The following LAMA4 variants were observed in gnomAD, a reference collection of about 807,000 sequenced individuals.
LAMA4 encodes the protein laminin subunit alpha 4.
Under a neutral mutation model 207.1 loss-of-function variants are expected in LAMA4, and 127 were observed. The observed-to-expected ratio is 0.61, with a 90% confidence interval of 0.53 to 0.71. The LOEUF (loss-of-function observed/expected upper bound fraction) is 0.71. LAMA4 is among the 30% of genes least tolerant of loss of function. The pLI is 0.00. For missense variants in LAMA4, 2,093 were observed against 2,246.5 expected, an observed-to-expected ratio of 0.93 and a Z score of 1.38; for synonymous variants, 761 against 816.0, an observed-to-expected ratio of 0.93 and a Z score of 1.15.
intron 16 of LAMA4, among the ~76,000 whole-genome samples, chr6:112,154,017 T>C (rs1474768362): frequency 6.6e-6 from 1 of 152,176 alleles, no homozygotes; most frequent in African/African-American, 2.4e-5. Context: ...GTGAGGTTTT[T>C]AGTTTCAAAC....
chr6:112,207,863 T>C (rs1205882506), intron 3 of LAMA4, among the ~76,000 whole-genome samples: 1 of 152,182 alleles, frequency 6.6e-6, no homozygotes, highest in African/African-American at 2.4e-5. Context: ...AATTCTCCCT[T>C]TCAGGATCCT....
chr6:112,221,790 A>C (rs1440222432), intron 2 of LAMA4, among the ~76,000 whole-genome samples: 3 of 152,216 alleles, frequency 2.0e-5, no homozygotes, highest in Non-Finnish European at 4.4e-5. Context: ...GGGCAGACTT[A>C]AGAATCAGAT....
At chr6:112,246,941 A>G (rs1786992271) in intron 2 of LAMA4, among the ~76,000 whole-genome samples, 1 of 152,254 alleles carries the variant, frequency 6.6e-6, no homozygotes, top group African/African-American at 2.4e-5. Context: ...ATGATTATAA[A>G]AACTAAATGA....
Position 112,117,762 on chromosome 6 carries a change from G to A in LAMA4, c.4958C>T (p.Thr1653Ile), listed in dbSNP as rs782386897. 1.9e-6 allele frequency: 3 copies of A among 1,613,600 alleles called. No homozygotes were observed. The highest frequency in any genetic ancestry group is 2.2e-5 in the East Asian group (1 of 44,868). ...GPMETGTYFSTEGGYVVLDES... is the reference protein window; with the variant it reads ...GPMETGTYFSIEGGYVVLDES... ...ACCTAGAACCACGTATCCTCCTTCT[G>A]TTGAAAAGTAAGTTCCTGTTTCCAT... The change falls in exon 35 of 39, where the codon ACA becomes ATA. Residue 1653 changes from threonine to isoleucine, a missense_variant. Thr to Ile is a moderately conservative substitution (Grantham distance 89). Around this residue, in one of 3 missense-constraint regions of LAMA4, gnomAD observed 383 missense variants for 437.8 expected, o/e 0.87. Coordinates refer to ENST00000230538, the MANE Select transcript of LAMA4 (RefSeq NM_001105206.3). This position sits in a 1 kb window ranked among gnomAD's most constrained non-coding sequence, Gnocchi z 4.5.
At chr6:112,138,624 A>G (rs1441663030) in intron 24 of LAMA4, among the ~76,000 whole-genome samples, 2 of 152,082 alleles carry the variant, frequency 1.3e-5, no homozygotes, top group African/African-American at 2.4e-5. Flanking sequence ...TTATCTTTAT[A>G]TAATTTGTCC....
chr6:112,190,928 TTTCTTTCTTTCTTTCTTTC>T (rs1783030085), intron 6 of LAMA4, among the ~76,000 whole-genome samples: 2 of 100,494 alleles, frequency 2.0e-5, no homozygotes, highest in East Asian at 3.3e-4. Flanking sequence ...TCTTTCTTTC[TTTCTTTCTTTCTTTCTTTC>T]CTTTCTTTCT....
intron 5 of LAMA4, among the ~76,000 whole-genome samples, chr6:112,194,526 G>T (rs1188614124): frequency 6.6e-6 from 1 of 152,134 alleles, no homozygotes; most frequent in Admixed American, 6.5e-5. Context: ...GGACCCTATG[G>T]ATTTAACAAA....
At chr6:112,181,966 A>G (rs1554345385) in intron 9 of LAMA4, among the ~76,000 whole-genome samples, 2 of 152,102 alleles carry the variant, frequency 1.3e-5, no homozygotes, top group African/African-American at 4.8e-5. Flanking sequence ...ACGTGGTGGC[A>G]CATGCCTGTA....
intron 3 of LAMA4, among the ~76,000 whole-genome samples, chr6:112,208,598 T>C (rs782346536): frequency 6.6e-6 from 1 of 152,218 alleles, no homozygotes; most frequent in African/African-American, 2.4e-5. Flanking sequence ...TTAGTTTCCA[T>C]ATTATACTGC....
rs587750943 is a variant in LAMA4 at position 112,121,165 on chromosome 6, A to G, written c.4476-693T>C. On this transcript the variant is annotated intron_variant, in intron 32 of 38. Coordinates refer to ENST00000230538, the MANE Select transcript of LAMA4 (RefSeq NM_001105206.3). Reference sequence around the variant, plus strand: ...AAAATACTAGTGAATAATACAAATAATATCAGTTGTGCACTATCTAAAACA... The same window carrying G: ...AAAATACTAGTGAATAATACAAATAGTATCAGTTGTGCACTATCTAAAACA... Among the ~76,000 whole-genome samples, 3 of 152,342 alleles carry G rather than the reference A, an allele frequency of 2.0e-5. No homozygotes were observed. In the South Asian group the frequency reaches 6.2e-4, roughly 32 times the overall value.
intron 5 of LAMA4, chr6:112,200,118 T>C (rs1562724846): frequency 1.9e-6 from 1 of 533,152 alleles, no homozygotes; most frequent in African/African-American, 1.9e-5. Flanking sequence ...GTGGAGGGAA[T>C]GGGAAATATC....
chr6:112,114,457 C>A (rs1554322709), intron 37 of LAMA4, among the ~76,000 whole-genome samples: 5 of 152,054 alleles, frequency 3.3e-5, no homozygotes, highest in Admixed American at 3.3e-4. Flanking sequence ...ATTGAAGCAA[C>A]CCCTTAACAC....
chr6:112,209,220 A>C (rs977086928), intron 3 of LAMA4, among the ~76,000 whole-genome samples: 1 of 152,164 alleles, frequency 6.6e-6, no homozygotes, highest in Non-Finnish European at 1.5e-5. Flanking sequence ...TGCTGGACGG[A>C]TGAAGCCCCT....
At chr6:112,188,918 A>G (rs908838817) in intron 7 of LAMA4, 192 bp downstream of exon 7, 10 of 591,568 alleles carry the variant, frequency 1.7e-5, no homozygotes, top group Admixed American at 8.7e-5. Context: ...TAAACCACCC[A>G]TTTGCCCTAG....
chr6:112,132,671 T>C (rs549577813), intron 28 of LAMA4, 82 bp downstream of exon 28: 1 of 1,327,696 alleles, frequency 7.5e-7, no homozygotes, highest in East Asian at 2.4e-5. Context: ...AGAAAATCAC[T>C]TCTAACATGC....
At chr6:112,131,877 TTGA>T (rs1779054798) in intron 28 of LAMA4, among the ~76,000 whole-genome samples, 1 of 152,142 alleles carries the variant, frequency 6.6e-6, no homozygotes, top group Admixed American at 6.6e-5. Flanking sequence ...AGTGTATATA[TTGA>T]TGATGACCTT....
intron 19 of LAMA4, among the ~76,000 whole-genome samples, chr6:112,143,274 A>C (rs1203079306): frequency 2.7e-5 from 4 of 150,868 alleles, no homozygotes; most frequent in African/African-American, 9.8e-5. Context: ...CAGTTGAGTA[A>C]AAACTAATAC....
Position 112,154,964 on chromosome 6 carries a change from A to G in LAMA4, c.1960-17T>C. 6.6e-7 allele frequency: 1 copy of G among 1,525,764 alleles called. No individual in the cohort carries two copies. The highest frequency in any genetic ancestry group is 9.1e-7 in the Non-Finnish European group (1 of 1,100,262). The allele number at this position is 1,525,764 out of a possible 1,614,324, so 94.5% of individuals were successfully genotyped here. On this transcript the variant is annotated splice_polypyrimidine_tract_variant and intron_variant, in intron 15 of 38. Transcript: ENST00000230538. ...ACTCACCGCCTACAAAGGAATTGAG[A>G]GAAGAGGGTAAAAATGACAGCAGAA...
At chr6:112,249,359 C>T (rs1329454435) in intron 2 of LAMA4, among the ~76,000 whole-genome samples, 1 of 137,866 alleles carries the variant, frequency 7.3e-6, no homozygotes, top group Non-Finnish European at 1.5e-5. Context: ...AGGGGAATCG[C>T]TTTAACTCAG....
Sources: allele counts gnomAD v4.1 joint callset (sites outside exome capture counted in the v4.1 genomes callset), GRCh38; gene constraint gnomAD v4.1.1; regional missense constraint gnomAD v4.1.1; non-coding constraint Gnocchi (gnomAD v3.1); transcripts MANE v1.5; gene names NCBI Gene and HGNC (gene_info 2026-07-23, HGNC 2026-07-21).